IQCJ: variants seen among roughly 807,000 people sequenced by gnomAD.
The protein encoded by IQCJ is IQ motif containing J, also known as IQ domain-containing protein J.
IQCJ carries 9 observed loss-of-function variants against 11.0 expected under a neutral mutation model. That is an observed-to-expected ratio of 0.82 (90% confidence interval 0.49 to 1.43). The LOEUF is 1.43. Among genes scored for constraint, IQCJ ranks in the 40% most tolerant of loss-of-function variants. IQCJ has a pLI of 0.00. For missense variants in IQCJ, 146 were observed against 133.2 expected (o/e 1.10, Z -0.47); for synonymous variants, 55 against 51.3 (o/e 1.07, Z -0.31).
At chr3:159,221,037 A>G (rs1725506232) in intron 1 of IQCJ, among the ~76,000 whole-genome samples, 1 of 152,160 alleles carries the variant, frequency 6.6e-6, no homozygotes, top group African/African-American at 2.4e-5. Context: ...ACAGCATTTG[A>G]AAAATAGAAT....
At chr3:159,083,043 G>C (rs1193473378) in intron 1 of IQCJ, among the ~76,000 whole-genome samples, 1 of 152,062 alleles carries the variant, frequency 6.6e-6, no homozygotes, top group African/African-American at 2.4e-5. Flanking sequence ...TGAAACCTCG[G>C]ATGAGGTAAA....
chr3:159,221,954 C>T (rs992171837), intron 1 of IQCJ, among the ~76,000 whole-genome samples: 1 of 150,954 alleles, frequency 6.6e-6, no homozygotes. Flanking sequence ...AACTAAAAAA[C>T]AAAGAGAAAA....
At chr3:159,192,212 C>G (rs1723730863) in intron 1 of IQCJ, among the ~76,000 whole-genome samples, 1 of 152,192 alleles carries the variant, frequency 6.6e-6, no homozygotes, top group African/African-American at 2.4e-5. Flanking sequence ...CCTGGCATCT[C>G]TCTCTGTTTA....
chr3:159,123,151 G>A (rs543918704), intron 1 of IQCJ, among the ~76,000 whole-genome samples: 11 of 152,276 alleles, frequency 7.2e-5, no homozygotes, highest in African/African-American at 2.2e-4. Flanking sequence ...TAAGCAGCGG[G>A]TTGGACACCT....
intron 1 of IQCJ, among the ~76,000 whole-genome samples, chr3:159,104,040 C>A (rs1718093092): frequency 6.6e-6 from 1 of 152,148 alleles, no homozygotes; most frequent in South Asian, 2.1e-4. Context: ...CTCAGCAGGG[C>A]TGGTTGATGG....
chr3:159,087,377 C>T (rs1255318948), intron 1 of IQCJ, among the ~76,000 whole-genome samples: 1 of 146,150 alleles, frequency 6.8e-6, no homozygotes, highest in Admixed American at 6.9e-5. Flanking sequence ...GTCTAAAATT[C>T]TCTTTTTTGG....
chr3:159,208,867 A>G (rs1724798369), intron 1 of IQCJ, among the ~76,000 whole-genome samples: 1 of 152,218 alleles, frequency 6.6e-6, no homozygotes, highest in Non-Finnish European at 1.5e-5. Flanking sequence ...ATGAGAAGAG[A>G]CAGACACAAG....
chr3:159,166,344 C>T (rs1436000198), intron 1 of IQCJ, among the ~76,000 whole-genome samples: 1 of 152,198 alleles, frequency 6.6e-6, no homozygotes, highest in Non-Finnish European at 1.5e-5. Context: ...TCAAGCTAAC[C>T]GTGGAGCATA....
Position 159,200,030 on chromosome 3 carries a change from C to CTATATATATATATATATATATATATA in IQCJ, c.10-45795_10-45794insTATATATATATATATATATATATATA, listed in dbSNP as rs368929112. On this transcript the variant is annotated intron_variant, in intron 1 of 3. Transcript: ENST00000397832. ...TAAGATTGTTATAAGGAGTAAACGA[C>CTATATATATATATATATATATATATA]TATATATATATATATATAAATCTAA... Among the ~76,000 whole-genome samples the CTATATATATATATATATATATATATA allele has an allele frequency of 3.6e-3, 426 of 119,422 alleles. 4 individuals carry two copies. Among genetic ancestry groups the CTATATATATATATATATATATATATA allele is most frequent in the East Asian group, 5.9e-3 (21 of 3,548 alleles). 78.3% of individuals were successfully genotyped at this position (119,422 alleles called of 152,430 possible).
At chr3:159,207,146 G>A (rs1232809681) in intron 1 of IQCJ, among the ~76,000 whole-genome samples, 1 of 152,146 alleles carries the variant, frequency 6.6e-6, no homozygotes, top group Non-Finnish European at 1.5e-5. Flanking sequence ...CAAAGCTTCT[G>A]AGCCCAGTAG....
intron 1 of IQCJ, among the ~76,000 whole-genome samples, chr3:159,173,720 T>C (rs1400092501): frequency 6.6e-6 from 1 of 152,234 alleles, no homozygotes; most frequent in Non-Finnish European, 1.5e-5. Flanking sequence ...TCCTTATGGA[T>C]AATCTTTTCT....
intron 1 of IQCJ, among the ~76,000 whole-genome samples, chr3:159,086,682 G>A (rs749699193): frequency 5.9e-5 from 9 of 151,828 alleles, no homozygotes; most frequent in Non-Finnish European, 1.2e-4. Flanking sequence ...TGAAGCAATT[G>A]TGAATGGGAG....
chr3:159,081,596 A>AT (rs542223605), intron 1 of IQCJ, among the ~76,000 whole-genome samples: 2 of 152,040 alleles, frequency 1.3e-5, no homozygotes, highest in South Asian at 4.1e-4. Context: ...TGAGCACATC[A>AT]TTTTTTCAGT....
intron 1 of IQCJ, among the ~76,000 whole-genome samples, chr3:159,094,317 T>A (rs912546726): frequency 5.9e-5 from 9 of 151,510 alleles, no homozygotes; most frequent in Non-Finnish European, 1.0e-4. Context: ...ATAGCAGAGA[T>A]TTGATATTAT....
intron 1 of IQCJ, among the ~76,000 whole-genome samples, chr3:159,078,164 G>C (rs1411087219): frequency 8.9e-6 from 1 of 112,342 alleles, no homozygotes; most frequent in Non-Finnish European, 2.3e-5. Context: ...GGAGCATTGA[G>C]TCAATGACTT....
At chr3:159,147,656 C>T (rs2108195295) in intron 1 of IQCJ, among the ~76,000 whole-genome samples, 1 of 152,276 alleles carries the variant, frequency 6.6e-6, no homozygotes, top group African/African-American at 2.4e-5. Context: ...ATGGAAGTAA[C>T]AAAATAATTA....
At chr3:159,190,403 T>C (rs535061471) in intron 1 of IQCJ, among the ~76,000 whole-genome samples, 4 of 152,366 alleles carry the variant, frequency 2.6e-5, no homozygotes, top group African/African-American at 7.2e-5. Flanking sequence ...TAGTGCTGAC[T>C]TCCGAGATTT....
chr3:159,265,387 T>C, downstream of IQCJ: 1 of 1,613,254 alleles, frequency 6.2e-7, no homozygotes, highest in Non-Finnish European at 8.5e-7. Flanking sequence ...AGACTTGGTT[T>C]TCTCACCCTC....
At chr3:159,217,826 C>G (rs1171379469) in intron 1 of IQCJ, among the ~76,000 whole-genome samples, 2 of 152,178 alleles carry the variant, frequency 1.3e-5, no homozygotes, top group South Asian at 2.1e-4. Context: ...CCCTCTTCAC[C>G]CACACTGGGT....
Sources: allele counts gnomAD v4.1 joint callset (sites outside exome capture counted in the v4.1 genomes callset), GRCh38; gene constraint gnomAD v4.1.1; transcripts MANE v1.5; gene names NCBI Gene and HGNC (gene_info 2026-07-23, HGNC 2026-07-21).